The following PCDH15 variants were observed in gnomAD, a reference collection of about 807,000 sequenced individuals.
PCDH15 encodes protocadherin related 15, also known as protocadherin-15.
Under a neutral mutation model 178.5 loss-of-function variants are expected in PCDH15, and 129 were observed. The observed-to-expected ratio is 0.72, with a 90% CI of 0.63 to 0.84. PCDH15 has a LOEUF of 0.84. PCDH15 is among the 40% of genes least tolerant of loss of function. PCDH15 has a pLI of 0.00. For missense variants in PCDH15, 2,230 were observed against 2,099.9 expected (o/e 1.06, Z -1.21); for synonymous variants, 800 against 732.0 (o/e 1.09, Z -1.50).
At chr10:53,886,155 T>C (rs1564684961) in intron 26 of PCDH15, among the ~76,000 whole-genome samples, 1 of 152,208 alleles carries the variant, frequency 6.6e-6, no homozygotes. Context: ...AGAGAATGTC[T>C]ATTTAGAGAA....
intron 37 of PCDH15, among the ~76,000 whole-genome samples, chr10:53,809,990 C>T (rs1025033447): frequency 6.6e-6 from 1 of 152,050 alleles, no homozygotes; most frequent in Non-Finnish European, 1.5e-5. Context: ...AAATTTTGCA[C>T]ATGTTAAAGC....
chr10:55,264,171 A>T (rs1842221825), intron 1 of PCDH15, among the ~76,000 whole-genome samples: 1 of 152,150 alleles, frequency 6.6e-6, no homozygotes, highest in African/African-American at 2.4e-5. Context: ...AATGGATAAA[A>T]ACAGCCCCTA....
intron 1 of PCDH15, among the ~76,000 whole-genome samples, chr10:55,203,474 T>G (rs1429887937): frequency 6.6e-6 from 1 of 151,958 alleles, no homozygotes; most frequent in Non-Finnish European, 1.5e-5. Flanking sequence ...AATACGATAT[T>G]TGACTTGCCT....
At chr10:55,423,844 G>A (rs1413664) in intron 2 of PCDH15, among the ~76,000 whole-genome samples, 30,317 of 151,952 alleles carry the variant, frequency 0.2, 3,996 homozygotes, top group Non-Finnish European at 0.29. Flanking sequence ...ATGTCATAAG[G>A]ACAAAATTAT....
intron 8 of PCDH15, among the ~76,000 whole-genome samples, chr10:54,311,876 G>A (rs180686267): frequency 7.0e-4 from 107 of 151,962 alleles, no homozygotes; most frequent in Middle Eastern, 6.8e-3. Flanking sequence ...TTATATCATA[G>A]TTCATGAGAT....
At chr10:54,139,748 G>A (rs1438521694) in intron 14 of PCDH15, among the ~76,000 whole-genome samples, 1 of 152,086 alleles carries the variant, frequency 6.6e-6, no homozygotes, top group Non-Finnish European at 1.5e-5. Flanking sequence ...GCTTGAAATG[G>A]TTAGTTATGA....
chr10:55,294,376 A>C (rs1843084138), intron 1 of PCDH15, among the ~76,000 whole-genome samples: 1 of 152,154 alleles, frequency 6.6e-6, no homozygotes, highest in African/African-American at 2.4e-5. Flanking sequence ...TAGGTGTTGA[A>C]CTAAAAATGT....
intron 8 of PCDH15, among the ~76,000 whole-genome samples, chr10:54,296,617 A>G (rs1356242936): frequency 6.6e-6 from 1 of 152,124 alleles, no homozygotes; most frequent in Non-Finnish European, 1.5e-5. Context: ...TTAGGCACCC[A>G]GGCTCACCAA....
intron 32 of PCDH15, chr10:53,823,728 A>ATCGAAGCTACCAACTTCTTATCTTT (rs141140599): frequency 0.027 from 12,323 of 462,962 alleles, 1,274 homozygotes; most frequent in African/African-American, 0.22. Context: ...GCAGAACACC[A>ATCGAAGCTACCAACTTCTTATCTTT]TCCTTGCCTG....
chr10:55,180,403 C>T (rs1255074283), intron 1 of PCDH15, among the ~76,000 whole-genome samples: 4 of 152,084 alleles, frequency 2.6e-5, no homozygotes, highest in Admixed American at 2.6e-4. Flanking sequence ...AAGAGACCGT[C>T]TCACCAGTAT....
At chr10:54,705,225 T>G (rs565890105) in intron 1 of PCDH15, among the ~76,000 whole-genome samples, 51 of 152,154 alleles carry the variant, frequency 3.4e-4, no homozygotes, top group Non-Finnish European at 5.6e-4. Flanking sequence ...ATTATTACCT[T>G]GGGTATGAAA....
chr10:55,116,446 T>C (rs1292440729), intron 2 of PCDH15, among the ~76,000 whole-genome samples: 2 of 152,144 alleles, frequency 1.3e-5, no homozygotes, highest in African/African-American at 2.4e-5. Context: ...TCTCTCAATT[T>C]ATTCTTATGC....
At chr10:55,160,246 A>T (rs1407023445) in intron 2 of PCDH15, among the ~76,000 whole-genome samples, 1 of 151,828 alleles carries the variant, frequency 6.6e-6, no homozygotes, top group East Asian at 1.9e-4. Context: ...CAATGACTAG[A>T]GAGTCAGCAG....
chr10:55,035,798 C>T (rs577998815), intron 2 of PCDH15, among the ~76,000 whole-genome samples: 28 of 151,994 alleles, frequency 1.8e-4, no homozygotes, highest in African/African-American at 6.3e-4. Context: ...ATAATGTAAA[C>T]AAAATAGAAG....
Position 54,970,617 on chromosome 10 carries a change from T to TAA in PCDH15, c.-79-73118_-79-73117insTT, listed in dbSNP as rs1480770945. On this transcript the variant is annotated intron_variant, in intron 2 of 5. Transcript: ENST00000458638. ...TGGAAATATTAAATGGAAAATTCCC[T>TAA]TAAAAAAACTATAAGTTTTAAATTG... Among the ~76,000 whole-genome samples, 89 of 48,122 alleles carry TAA rather than the reference T, an allele frequency of 1.8e-3. No individual in the cohort carries two copies. In the African/African-American group the frequency reaches 0.02, roughly 11 times the overall value. 31.6% of individuals were successfully genotyped at this position (48,122 alleles called of 152,430 possible). A position where few individuals can be genotyped will look rare whatever the true frequency, so the allele number is the denominator to read the frequency against.
chr10:55,452,473 G>A (rs971514825), intron 2 of PCDH15, among the ~76,000 whole-genome samples: 2 of 152,106 alleles, frequency 1.3e-5, no homozygotes, highest in Non-Finnish European at 2.9e-5. Flanking sequence ...TTTGTTACAG[G>A]AATCTAGATT....
intron 1 of PCDH15, among the ~76,000 whole-genome samples, chr10:54,743,715 T>A (rs1376808558): frequency 6.6e-6 from 1 of 151,946 alleles, no homozygotes; most frequent in African/African-American, 2.4e-5. Context: ...TAACATGACA[T>A]ACACTGTGCT....
chr10:53,863,331 G>C (rs2079223978), intron 27 of PCDH15, among the ~76,000 whole-genome samples: 1 of 152,180 alleles, frequency 6.6e-6, no homozygotes, highest in African/African-American at 2.4e-5. Context: ...GACTGAGAAG[G>C]AGTAAACAGT....
At chr10:55,267,461 G>A (rs556193984) in intron 1 of PCDH15, among the ~76,000 whole-genome samples, 1 of 152,126 alleles carries the variant, frequency 6.6e-6, no homozygotes. Context: ...TTAAGTGCAG[G>A]TTAGCCAAAC....
Sources: allele counts gnomAD v4.1 joint callset (sites outside exome capture counted in the v4.1 genomes callset), GRCh38; gene constraint gnomAD v4.1.1; transcripts MANE v1.5; gene names NCBI Gene and HGNC (gene_info 2026-07-23, HGNC 2026-07-21).